Variants in AGBL4 observed in about 807,000 individuals in gnomAD.
AGBL4 encodes the protein AGBL carboxypeptidase 4.
In AGBL4, 58 loss-of-function variants were observed where a neutral mutation model predicts 66.4. That is an observed-to-expected ratio of 0.87 (90% CI 0.71 to 1.09). The LOEUF (loss-of-function observed/expected upper bound fraction) is 1.09, where lower values mean the gene tolerates loss of function less well. Ranked by LOEUF, AGBL4 falls within the 50% of genes least tolerant of loss-of-function variation. The pLI is 0.00. For synonymous variants in AGBL4, 234 were observed against 222.9 expected, an observed-to-expected ratio of 1.05 and a Z score of -0.44; for missense variants, 579 against 631.0, an observed-to-expected ratio of 0.92 and a Z score of 0.88.
At chr1:48,683,890 G>A (rs953891429) in intron 6 of AGBL4, among the ~76,000 whole-genome samples, 2 of 152,142 alleles carry the variant, frequency 1.3e-5, no homozygotes, top group African/African-American at 4.8e-5. Flanking sequence ...TGAGGAAGAC[G>A]GCCTAAGTCA....
At chr1:48,699,592 A>G (rs1176906724) in intron 6 of AGBL4, among the ~76,000 whole-genome samples, 1 of 152,138 alleles carries the variant, frequency 6.6e-6, no homozygotes, top group African/African-American at 2.4e-5. Flanking sequence ...CCCCAATCCA[A>G]CAGCTCTCAA....
intron 9 of AGBL4, among the ~76,000 whole-genome samples, chr1:48,619,764 T>C (rs1231334965): frequency 6.6e-6 from 1 of 152,200 alleles, no homozygotes; most frequent in East Asian, 1.9e-4. Context: ...AGCAAAGCTT[T>C]GCCCTTGAAG....
chr1:49,693,064 G>C (rs1192358032), intron 3 of AGBL4, among the ~76,000 whole-genome samples: 1 of 152,132 alleles, frequency 6.6e-6, no homozygotes. Context: ...TCTGTGTGAA[G>C]TTTCAAAACA....
intron 3 of AGBL4, among the ~76,000 whole-genome samples, chr1:49,321,338 C>T (rs1645129706): frequency 6.6e-6 from 1 of 152,136 alleles, no homozygotes; most frequent in Non-Finnish European, 1.5e-5. Context: ...ATCAAGATGT[C>T]AAACCTCATA....
chr1:49,458,054 T>A (rs1285784534), intron 3 of AGBL4, among the ~76,000 whole-genome samples: 1 of 151,638 alleles, frequency 6.6e-6, no homozygotes, highest in Admixed American at 6.6e-5. Flanking sequence ...TGGCTCCATA[T>A]GAATTTTAGG....
chr1:49,690,638 A>G (rs2124591924), intron 3 of AGBL4, among the ~76,000 whole-genome samples: 1 of 152,348 alleles, frequency 6.6e-6, no homozygotes, highest in Admixed American at 6.5e-5. Flanking sequence ...ATTAATATAA[A>G]GGGCTTAGAA....
intron 5 of AGBL4, among the ~76,000 whole-genome samples, chr1:48,965,069 T>C (rs1225608393): frequency 6.6e-6 from 1 of 152,188 alleles, no homozygotes; most frequent in Non-Finnish European, 1.5e-5. Context: ...TTTTTCCATC[T>C]TTCCAAATTT....
chr1:49,062,445 A>G (rs1387682449), intron 4 of AGBL4, among the ~76,000 whole-genome samples: 1 of 152,194 alleles, frequency 6.6e-6, no homozygotes, highest in Non-Finnish European at 1.5e-5. Context: ...CTATTTGTAC[A>G]CCATGAATCC....
At chr1:48,899,319 CAAACTAGTGGA>C (rs1651859805) in intron 5 of AGBL4, among the ~76,000 whole-genome samples, 3 of 152,178 alleles carry the variant, frequency 2.0e-5, no homozygotes, top group African/African-American at 7.2e-5. Flanking sequence ...TGCCTCATTT[CAAACTAGTGGA>C]AAATGAAATG....
chr1:48,800,236 A>C (rs1024330061), intron 6 of AGBL4, among the ~76,000 whole-genome samples: 1 of 152,130 alleles, frequency 6.6e-6, no homozygotes, highest in African/African-American at 2.4e-5. Flanking sequence ...GGAGGGTTGT[A>C]TATTTCCAGG....
chr1:48,536,704 C>T (rs917414988), intron 12 of AGBL4, among the ~76,000 whole-genome samples: 2 of 152,210 alleles, frequency 1.3e-5, no homozygotes, highest in Admixed American at 1.3e-4. Flanking sequence ...TGTGACTAAG[C>T]CTGAGTCCAC....
chr1:48,886,753 A>C lies in AGBL4; in HGVS notation c.595-19523T>G, dbSNP rs191115791. On this transcript the variant is annotated intron_variant, in intron 5 of 13. Transcript: ENST00000371839. The stretch of plus-strand genomic sequence containing the variant: ...ATTTTTAGTAGAGAGGAGTTTCACC[A>C]TGTTAACCAGGATGGTCTCGATCTC... 7.3e-3 allele frequency among the ~76,000 whole-genome samples: 1,104 copies of C among 152,152 alleles called. 6 individuals carry two copies. Among genetic ancestry groups the C allele is most frequent in the Middle Eastern group, 0.014 (4 of 294 alleles).
intron 3 of AGBL4, among the ~76,000 whole-genome samples, chr1:49,541,132 A>C (rs1651979979): frequency 6.6e-6 from 1 of 152,210 alleles, no homozygotes; most frequent in African/African-American, 2.4e-5. Flanking sequence ...ATATGTGACA[A>C]TGCTTGTAAA....
chr1:49,254,273 C>T (rs1652302214), intron 3 of AGBL4, among the ~76,000 whole-genome samples: 1 of 152,126 alleles, frequency 6.6e-6, no homozygotes, highest in Non-Finnish European at 1.5e-5. Context: ...GCCCCATCAT[C>T]TCAGCCCAAA....
chr1:49,752,662 T>C (rs1184174683), intron 2 of AGBL4, among the ~76,000 whole-genome samples: 2 of 152,166 alleles, frequency 1.3e-5, no homozygotes, highest in Admixed American at 6.5e-5. Flanking sequence ...ATATTGACAG[T>C]GGGGTGTTAA....
chr1:49,392,792 G>C (rs1644879151), intron 3 of AGBL4, among the ~76,000 whole-genome samples: 1 of 151,640 alleles, frequency 6.6e-6, no homozygotes, highest in Non-Finnish European at 1.5e-5. Flanking sequence ...GTTAATACTG[G>C]TTCTCTTTGA....
intron 3 of AGBL4, among the ~76,000 whole-genome samples, chr1:49,333,600 T>C (rs956771712): frequency 6.6e-6 from 1 of 152,128 alleles, no homozygotes; most frequent in Non-Finnish European, 1.5e-5. Flanking sequence ...GATGGTGGGT[T>C]GAGTAGTCTT....
intron 3 of AGBL4, among the ~76,000 whole-genome samples, chr1:49,356,735 G>A (rs1001873250): frequency 1.3e-5 from 2 of 152,162 alleles, no homozygotes; most frequent in Admixed American, 1.3e-4. Context: ...TAGTGCTGAA[G>A]GTTTGTTGAG....
intron 3 of AGBL4, among the ~76,000 whole-genome samples, chr1:49,567,419 G>A (rs1644234776): frequency 1.3e-5 from 2 of 152,102 alleles, no homozygotes; most frequent in Admixed American, 1.3e-4. Context: ...GACTGGAGCT[G>A]TTCCTATTCG....
Sources: gnomAD v4.1 joint callset for allele counts (sites outside exome capture counted in the v4.1 genomes callset) on GRCh38, gnomAD v4.1.1 for gene constraint, MANE v1.5 for transcripts, NCBI Gene and HGNC (gene_info 2026-07-23, HGNC 2026-07-21) for gene names.